The following MEI4 variants were observed in gnomAD, a reference collection of about 807,000 sequenced individuals.
MEI4 encodes meiotic double-stranded break formation protein 4, also known as meiosis-specific protein MEI4.
In MEI4, 27 loss-of-function variants were observed where a neutral mutation model predicts 31.4. The ratio of observed to expected loss-of-function variants is 0.86; its 90% CI spans 0.63 to 1.19. The LOEUF is 1.19. Ranked by LOEUF, MEI4 falls within the 50% of genes most tolerant of loss-of-function variation. The probability of loss-of-function intolerance (pLI) is 0.00; values close to 1 mark genes in which losing one functional copy is unlikely to be tolerated. For missense variants in MEI4, 329 were observed against 398.9 expected (o/e 0.82, Z 1.49); for synonymous variants, 122 against 145.4 (o/e 0.84, Z 1.16).
At chr6:77,892,366 G>A (rs1765981046) in intron 4 of MEI4, among the ~76,000 whole-genome samples, 1 of 152,126 alleles carries the variant, frequency 6.6e-6, no homozygotes, top group South Asian at 2.1e-4. Context: ...CACTGCAAGA[G>A]GCTGTAGGCA....
At chr6:77,754,965 G>C (rs1007532971) in intron 2 of MEI4, among the ~76,000 whole-genome samples, 13 of 152,140 alleles carry the variant, frequency 8.5e-5, no homozygotes, top group Admixed American at 7.9e-4. Flanking sequence ...TGGGGACACA[G>C]AACCAAGCCA....
At chr6:77,881,086 CT>C (rs5877573) in intron 4 of MEI4, among the ~76,000 whole-genome samples, 120,303 of 146,410 alleles carry the variant, frequency 0.82, 49,699 homozygotes, top group East Asian at 0.95. Context: ...TACTTACTGT[CT>C]TTTTTTTTTT....
chr6:77,696,163 G>T (rs1021432450), intron 2 of MEI4, among the ~76,000 whole-genome samples: 1 of 152,092 alleles, frequency 6.6e-6, no homozygotes, highest in East Asian at 1.9e-4. Context: ...GGAGATTTTG[G>T]ACTGAGACAA....
At chr6:77,913,633 T>C (rs1766478279) in intron 4 of MEI4, among the ~76,000 whole-genome samples, 1 of 152,108 alleles carries the variant, frequency 6.6e-6, no homozygotes, top group Non-Finnish European at 1.5e-5. Context: ...TGTTGCAATG[T>C]CTCCCTTTTC....
chr6:77,785,127 T>A (rs942297007), intron 3 of MEI4, among the ~76,000 whole-genome samples: 2 of 152,186 alleles, frequency 1.3e-5, no homozygotes, highest in Non-Finnish European at 2.9e-5. Flanking sequence ...AGTTTTTCAC[T>A]TATTGGAAAT....
intron 3 of MEI4, among the ~76,000 whole-genome samples, chr6:77,793,350 C>T (rs1768990294): frequency 2.0e-5 from 3 of 152,160 alleles, no homozygotes; most frequent in Non-Finnish European, 2.9e-5. Context: ...AGAAAAGCTG[C>T]AGTAGTTCAT....
chr6:77,694,493 A>T (rs980620316), intron 2 of MEI4, among the ~76,000 whole-genome samples: 1 of 144,766 alleles, frequency 6.9e-6, no homozygotes, highest in Non-Finnish European at 1.5e-5. Flanking sequence ...ATTCCCACCT[A>T]TGAGTGAGAA....
At chr6:77,763,053 A>G (rs758615873) in intron 3 of MEI4, among the ~76,000 whole-genome samples, 10 of 152,094 alleles carry the variant, frequency 6.6e-5, no homozygotes, top group Non-Finnish European at 1.3e-4. Context: ...AATGATGCAA[A>G]TATTTTTCCA....
At chr6:77,687,770 GCA>G (rs1769085349) in intron 1 of MEI4, among the ~76,000 whole-genome samples, 1 of 152,066 alleles carries the variant, frequency 6.6e-6, no homozygotes, top group African/African-American at 2.4e-5. Context: ...TGGGGGGATT[GCA>G]CAGAGCTTCC....
intron 4 of MEI4, among the ~76,000 whole-genome samples, chr6:77,829,386 T>G (rs1770026849): frequency 6.6e-6 from 1 of 152,146 alleles, no homozygotes; most frequent in Non-Finnish European, 1.5e-5. Context: ...GAGAGAAAAG[T>G]GAACTGGAGA....
intron 2 of MEI4, among the ~76,000 whole-genome samples, chr6:77,699,152 T>A (rs1466401685): frequency 6.6e-6 from 1 of 151,784 alleles, no homozygotes; most frequent in Non-Finnish European, 1.5e-5. Context: ...CACTGGTTAT[T>A]CTAGTTATCC....
intron 1 of MEI4, among the ~76,000 whole-genome samples, chr6:77,682,142 C>G (rs1317286749): frequency 6.6e-6 from 1 of 152,200 alleles, no homozygotes; most frequent in African/African-American, 2.4e-5. Context: ...CTCTGCTTCA[C>G]CCCACACCGG....
chr6:77,888,574 T>C (rs1226840698), intron 4 of MEI4, among the ~76,000 whole-genome samples: 1 of 152,160 alleles, frequency 6.6e-6, no homozygotes, highest in Non-Finnish European at 1.5e-5. Context: ...GAAAGACTAT[T>C]TCTCCTTCAC....
chr6:77,735,483 A>G (rs886943937), intron 2 of MEI4, among the ~76,000 whole-genome samples: 2 of 151,962 alleles, frequency 1.3e-5, no homozygotes, highest in Non-Finnish European at 2.9e-5. Context: ...TTTCAGCTTC[A>G]TCAGGTCCTT....
At chr6:77,767,542 A>G (rs1356215780) in intron 3 of MEI4, among the ~76,000 whole-genome samples, 1 of 151,836 alleles carries the variant, frequency 6.6e-6, no homozygotes, top group Non-Finnish European at 1.5e-5. Context: ...AAAAATTCCA[A>G]AAATATTAGC....
At chr6:77,771,190 C>T (rs1036800270) in intron 3 of MEI4, among the ~76,000 whole-genome samples, 1 of 151,928 alleles carries the variant, frequency 6.6e-6, no homozygotes, top group African/African-American at 2.4e-5. Flanking sequence ...GAAAAAAATG[C>T]TCAACATTAC....
intron 3 of MEI4, among the ~76,000 whole-genome samples, chr6:77,777,806 A>G (rs778524646): frequency 6.6e-6 from 1 of 152,170 alleles, no homozygotes; most frequent in Non-Finnish European, 1.5e-5. Context: ...AAATGCATAT[A>G]TTCTCAGAAA....
chr6:77,836,025 T>C (rs1770211718), intron 4 of MEI4, among the ~76,000 whole-genome samples: 1 of 152,098 alleles, frequency 6.6e-6, no homozygotes, highest in Non-Finnish European at 1.5e-5. Flanking sequence ...TTTCACTGCG[T>C]GTATACTTTT....
intron 2 of MEI4, among the ~76,000 whole-genome samples, chr6:77,714,652 G>A (rs184004289): frequency 1.4e-4 from 21 of 152,228 alleles, no homozygotes; most frequent in East Asian, 5.8e-4. Context: ...CATTCAAGGC[G>A]CTCTCTATTG....
Sources: gnomAD v4.1 joint callset for allele counts (sites outside exome capture counted in the v4.1 genomes callset) on GRCh38, gnomAD v4.1.1 for gene constraint, MANE v1.5 for transcripts, NCBI Gene and HGNC (gene_info 2026-07-23, HGNC 2026-07-21) for gene names.